The following GALNT13 variants were observed in gnomAD, a reference collection of about 807,000 sequenced individuals.
GALNT13 encodes the protein UDP-GalNAc:polypeptide N-acetylgalactosaminyltransferase 13.
Under a neutral mutation model 64.2 loss-of-function variants are expected in GALNT13, and 28 were observed. The ratio of observed to expected loss-of-function variants is 0.44; its 90% CI spans 0.32 to 0.60. GALNT13 has a LOEUF of 0.60. Ranked by LOEUF, GALNT13 falls within the 20% of genes least tolerant of loss-of-function variation. The probability of loss-of-function intolerance (pLI) is 0.05; values close to 1 mark genes in which losing one functional copy is unlikely to be tolerated. For synonymous variants in GALNT13, 214 were observed against 224.6 expected, an observed-to-expected ratio of 0.95 and a Z score of 0.42; for missense variants, 577 against 669.8, an observed-to-expected ratio of 0.86 and a Z score of 1.53.
the GALNT13 span, among the ~76,000 whole-genome samples, chr2:153,511,737 A>G: frequency 1.3e-5 from 2 of 152,234 alleles, no homozygotes; most frequent in Admixed American, 1.3e-4. Flanking sequence ...AGTGAGTACT[A>G]TAAACAAGAC....
intron 3 of GALNT13, among the ~76,000 whole-genome samples, chr2:154,035,072 G>T (rs1698575963): frequency 6.6e-6 from 1 of 152,042 alleles, no homozygotes; most frequent in Admixed American, 6.6e-5. Context: ...ATATTCACTT[G>T]TATATTTATC....
At chr2:153,926,494 C>T (rs1690145044) in intron 2 of GALNT13, among the ~76,000 whole-genome samples, 1 of 152,046 alleles carries the variant, frequency 6.6e-6, no homozygotes, top group African/African-American at 2.4e-5. Flanking sequence ...TAGCCATTTT[C>T]TTCAAAAGAA....
chr2:154,450,333 A>T, intron 12 of GALNT13, 78 bp from the exon 13 acceptor site: 1 of 1,328,670 alleles, frequency 7.5e-7, no homozygotes, highest in Non-Finnish European at 1.0e-6. Context: ...AGGATTTTTT[A>T]AAGAACAGAT....
chr2:153,237,677 G>A, the GALNT13 span, among the ~76,000 whole-genome samples: 1 of 151,650 alleles, frequency 6.6e-6, no homozygotes. Context: ...TTTTTTAATG[G>A]CTAAATGGGA....
intron 4 of GALNT13, among the ~76,000 whole-genome samples, chr2:154,188,690 A>G (rs1686398230): frequency 6.6e-6 from 1 of 152,210 alleles, no homozygotes; most frequent in Non-Finnish European, 1.5e-5. Flanking sequence ...TATATAACAA[A>G]TGGAGTAGGA....
chr2:153,788,479 AC>A, the GALNT13 span, among the ~76,000 whole-genome samples: 1 of 152,110 alleles, frequency 6.6e-6, no homozygotes, highest in African/African-American at 2.4e-5. Context: ...AAAGCCCATT[AC>A]CAACCACTAC....
the GALNT13 span, among the ~76,000 whole-genome samples, chr2:153,129,233 A>G: frequency 6.6e-6 from 1 of 152,154 alleles, no homozygotes; most frequent in Non-Finnish European, 1.5e-5. Context: ...GTCTTGCTCG[A>G]GGGTTTCATT....
the GALNT13 span, among the ~76,000 whole-genome samples, chr2:153,696,802 G>A: frequency 6.6e-6 from 1 of 152,148 alleles, no homozygotes; most frequent in Non-Finnish European, 1.5e-5. Context: ...AGCCTACATA[G>A]GGAACTATGC....
At chr2:153,677,847 G>A in the GALNT13 span, among the ~76,000 whole-genome samples, 1 of 151,990 alleles carries the variant, frequency 6.6e-6, no homozygotes, top group Admixed American at 6.6e-5. Flanking sequence ...GATTGAAACT[G>A]GACCCGTTCC....
At chr2:153,185,901 G>C in the GALNT13 span, among the ~76,000 whole-genome samples, 2 of 152,170 alleles carry the variant, frequency 1.3e-5, no homozygotes, top group East Asian at 3.9e-4. Context: ...TTTAGAGTAA[G>C]TGCTGTGGGG....
At chr2:153,762,758 G>C in the GALNT13 span, 1 of 151,338 alleles carries the variant, frequency 6.6e-6, no homozygotes, top group East Asian at 2.0e-4. Context: ...GAGTATTCTG[G>C]AAAGTTCGGC....
the GALNT13 span, among the ~76,000 whole-genome samples, chr2:153,197,890 G>A: frequency 6.6e-6 from 1 of 152,190 alleles, no homozygotes; most frequent in South Asian, 2.1e-4. Context: ...GGAGGTTGCT[G>A]TCAGGGATAG....
chr2:154,153,060 T>C (rs182806118), intron 4 of GALNT13, among the ~76,000 whole-genome samples: 79 of 152,228 alleles, frequency 5.2e-4, no homozygotes, highest in African/African-American at 1.8e-3. Flanking sequence ...ATCTTTGTGG[T>C]TTTATCTACT....
the GALNT13 span, among the ~76,000 whole-genome samples, chr2:153,279,875 C>T: frequency 3.3e-5 from 5 of 151,820 alleles, no homozygotes; most frequent in African/African-American, 9.7e-5. Flanking sequence ...GTAATACTCG[C>T]GTCATAGAAT....
At chr2:154,220,336 ATGT>A in intron 4 of GALNT13, among the ~76,000 whole-genome samples, 1 of 152,228 alleles carries the variant, frequency 6.6e-6, no homozygotes, top group Non-Finnish European at 1.5e-5. Flanking sequence ...CTGTAAATAG[ATGT>A]TAAGATTAGT....
At chr2:153,932,631 T>C (rs1354662145) in intron 2 of GALNT13, among the ~76,000 whole-genome samples, 5 of 144,806 alleles carry the variant, frequency 3.5e-5, no homozygotes, top group Non-Finnish European at 6.1e-5. Context: ...TCTTTCTTTT[T>C]TTTTTTTTTT....
chr2:153,790,267 G>T, the GALNT13 span, among the ~76,000 whole-genome samples: 1 of 152,096 alleles, frequency 6.6e-6, no homozygotes, highest in Non-Finnish European at 1.5e-5. Flanking sequence ...GGGATGCAAG[G>T]TTGGTTCAAC....
the GALNT13 span, among the ~76,000 whole-genome samples, chr2:153,382,647 T>A: frequency 3.3e-5 from 5 of 152,278 alleles, no homozygotes; most frequent in African/African-American, 1.2e-4. Flanking sequence ...TTTTACTTGT[T>A]ATTTGCTTCA....
chr2:153,734,282 C>G, the GALNT13 span, among the ~76,000 whole-genome samples: 19 of 152,132 alleles, frequency 1.2e-4, no homozygotes, highest in Non-Finnish European at 2.5e-4. Context: ...TTGCCCTTTT[C>G]TCTCATGTGT....
Sources: allele counts gnomAD v4.1 joint callset (sites outside exome capture counted in the v4.1 genomes callset), GRCh38; gene constraint gnomAD v4.1.1; transcripts MANE v1.5; gene names NCBI Gene and HGNC (gene_info 2026-07-23, HGNC 2026-07-21).